Variants in FBXO22 observed in about 807,000 individuals in gnomAD.
FBXO22 encodes F-box protein 22.
A neutral mutation model predicts 37.2 loss-of-function variants in FBXO22; 13 were observed. The observed-to-expected ratio is 0.35, with a 90% confidence interval of 0.23 to 0.56. The LOEUF (loss-of-function observed/expected upper bound fraction) is 0.56. Ranked by LOEUF, FBXO22 falls within the 20% of genes least tolerant of loss-of-function variation. FBXO22 has a pLI of 0.87. For missense variants in FBXO22, 446 were observed against 509.9 expected (o/e 0.87, Z 1.21); for synonymous variants, 189 against 189.1 (o/e 1.00, Z 0.00).
chr15:75,934,352 C>T lies in FBXO22; in HGVS notation c.*1250C>T, dbSNP rs2030185685. Reference sequence around the variant, plus strand: ...GAAGAAACACCATAAGTGGCGTGGACTATCTACCTCCAGACTGTTTTACAA... The same window carrying T: ...GAAGAAACACCATAAGTGGCGTGGATTATCTACCTCCAGACTGTTTTACAA... On this transcript the variant is annotated 3_prime_UTR_variant, in exon 7 of 7. Coordinates refer to ENST00000308275, the MANE Select transcript of FBXO22 (RefSeq NM_147188.3). 6.6e-6 allele frequency: 1 copy of T among 152,182 alleles called. No homozygotes were observed. The highest frequency in any genetic ancestry group is 1.5e-5 in the Non-Finnish European group (1 of 68,034). 9.4% of individuals were successfully genotyped at this position (152,182 alleles called of 1,614,324 possible).
chr15:75,928,234 C>T (rs551444829), intron 5 of FBXO22, among the ~76,000 whole-genome samples: 7 of 152,142 alleles, frequency 4.6e-5, no homozygotes, highest in African/African-American at 9.6e-5. Flanking sequence ...TTTGACCCAG[C>T]AGTCCTATTA....
rs1213301204 is a variant in FBXO22, at chr15:75,941,889, G to T, written c.*8787G>T. On this transcript the variant is annotated 3_prime_UTR_variant, in exon 7 of 7. Coordinates refer to ENST00000308275, the MANE Select transcript of FBXO22 (RefSeq NM_147188.3). Reference sequence around the variant, plus strand: ...GCCTTTAAACTGTAACTTCAAAATGGTTAAAATTTAAATCTTACGTACATT... The same window carrying T: ...GCCTTTAAACTGTAACTTCAAAATGTTTAAAATTTAAATCTTACGTACATT... 5.1e-5 allele frequency: 6 copies of T among 117,268 alleles called. 1 individual carries two copies. The highest frequency in any genetic ancestry group is 2.0e-4 in the African/African-American group (6 of 30,716). The allele number at this position is 117,268 out of a possible 1,614,324, so 7.3% of individuals were successfully genotyped here. A position where few individuals can be genotyped will look rare whatever the true frequency, so the allele number is the denominator to read the frequency against.
At chr15:75,922,283 C>T (rs1728620258) in intron 5 of FBXO22, among the ~76,000 whole-genome samples, 2 of 152,222 alleles carry the variant, frequency 1.3e-5, no homozygotes, top group South Asian at 4.1e-4. Flanking sequence ...TGCGTGTCAC[C>T]ACGCCTGGCT....
rs766945625 is a variant in FBXO22 at position 75,937,508 on chromosome 15, C to CCA, written c.*4406_*4407insCA. 1 of 83,226 alleles carries CCA rather than the reference C, an allele frequency of 1.2e-5. No individual in the cohort carries two copies. Among genetic ancestry groups the CCA allele is most frequent in the East Asian group, 4.3e-4 (1 of 2,348 alleles). The allele number at this position is 83,226 out of a possible 1,614,324, so 5.2% of individuals were successfully genotyped here. On this transcript the variant is annotated 3_prime_UTR_variant, in exon 7 of 7. Transcript: ENST00000308275. ...TGGGCAATGGAGCAAGACTCTGTCT[C>CCA]AAAAAAAAAAAAAAAAAAAAAAAAG...
chr15:75,933,133 T>G lies in FBXO22; in HGVS notation c.*31T>G. ...AAAGTGGCTTTCATAATATGTAACT[T>G]TTGGGTTCTGCCTTTTTCAGAAAAT... On this transcript the variant is annotated 3_prime_UTR_variant, in exon 7 of 7. Coordinates refer to ENST00000308275, the MANE Select transcript of FBXO22 (RefSeq NM_147188.3). 6.5e-7 allele frequency: 1 copy of G among 1,548,246 alleles called. No individual in the cohort carries two copies. Among genetic ancestry groups the G allele is most frequent in the Non-Finnish European group, 8.7e-7 (1 of 1,149,864 alleles).
At chr15:75,922,424 T>A (rs1900348156) in intron 5 of FBXO22, among the ~76,000 whole-genome samples, 1 of 152,294 alleles carries the variant, frequency 6.6e-6, no homozygotes, top group Middle Eastern at 3.4e-3. Context: ...TCAAGGAGGC[T>A]TCCAGAAGCA....
intron 1 of FBXO22, 145 bp from the exon 2 acceptor site, chr15:75,904,346 C>T: frequency 6.3e-6 from 8 of 1,262,078 alleles, no homozygotes; most frequent in Non-Finnish European, 8.9e-6. Context: ...TCCGAACTAG[C>T]GCCCTGACTG....
At chr15:75,916,556 A>G (rs535282323) in intron 4 of FBXO22, among the ~76,000 whole-genome samples, 97 of 152,326 alleles carry the variant, frequency 6.4e-4, no homozygotes, top group South Asian at 2.3e-3. Context: ...ATCTCCAAAT[A>G]TAGTCACATG....
At chr15:75,906,646 T>G (rs1311926283) in intron 2 of FBXO22, among the ~76,000 whole-genome samples, 1 of 152,138 alleles carries the variant, frequency 6.6e-6, no homozygotes, top group Non-Finnish European at 1.5e-5. Flanking sequence ...CCTTGGGTGG[T>G]CTTTCTCCTT....
rs937925335 is a variant in FBXO22 at position 75,940,752 on chromosome 15, A to G, written c.*7650A>G. On this transcript the variant is annotated 3_prime_UTR_variant, in exon 7 of 7. Transcript: ENST00000308275. ...TATTCCAAGGATAGTTTTTTCAACA[A>G]ATAATGATGGGAAAGCTGGATAACC... 2 of 144,446 alleles carry G rather than the reference A, an allele frequency of 1.4e-5. No homozygotes were observed. The highest frequency in any genetic ancestry group is 5.1e-5 in the African/African-American group (2 of 38,988). 8.9% of individuals were successfully genotyped at this position (144,446 alleles called of 1,614,324 possible).
At chr15:75,905,655 T>G (rs1315467264) in intron 2 of FBXO22, 2 of 152,258 alleles carry the variant, frequency 1.3e-5, no homozygotes, top group Non-Finnish European at 2.9e-5. Flanking sequence ...CAATTTGCTC[T>G]GAGTAAGTCC....
At chr15:75,904,142 A>T in intron 1 of FBXO22, 39 bp downstream of exon 1, 1 of 1,512,406 alleles carries the variant, frequency 6.6e-7, no homozygotes, top group South Asian at 1.2e-5. Flanking sequence ...TTGCCTGGGG[A>T]CACGCCGTGG....
chr15:75,935,252 T>C lies in FBXO22; in HGVS notation c.*2150T>C, dbSNP rs914740980. 2 of 152,048 alleles carry C rather than the reference T, an allele frequency of 1.3e-5. No individual in the cohort carries two copies. The highest frequency in any genetic ancestry group is 2.9e-5 in the Non-Finnish European group (2 of 67,996). 9.4% of individuals were successfully genotyped at this position (152,048 alleles called of 1,614,324 possible). On this transcript the variant is annotated 3_prime_UTR_variant, in exon 7 of 7. Transcript: ENST00000308275. ...GCTTGTCTTAGAAGCATTAAAGGAG[T>C]ATTAGCTAAAAACAAACTAAATTCC...
chr15:75,910,070 T>C (rs971722943), intron 2 of FBXO22, among the ~76,000 whole-genome samples: 2 of 152,194 alleles, frequency 1.3e-5, no homozygotes, highest in Admixed American at 1.3e-4. Flanking sequence ...TCCAGCTTCA[T>C]CCATGTCCCT....
At position 75,938,203 on chromosome 15, in the gene FBXO22, T is replaced by C. The variant is rs1317036689; in HGVS notation, c.*5101T>C. ...ACGTGACATAAAAGGAAGAGAGACT[T>C]CAGTGATCACACACAGAAGGAATAG... On this transcript the variant is annotated 3_prime_UTR_variant, in exon 7 of 7. Coordinates refer to ENST00000308275, the MANE Select transcript of FBXO22 (RefSeq NM_147188.3). 1.3e-5 allele frequency: 2 copies of C among 152,208 alleles called. No individual in the cohort carries two copies. Among genetic ancestry groups the C allele is most frequent in the Admixed American group, 6.5e-5 (1 of 15,280 alleles). 9.4% of individuals were successfully genotyped at this position (152,208 alleles called of 1,614,324 possible). A position where few individuals can be genotyped will look rare whatever the true frequency, so the allele number is the denominator to read the frequency against.
At chr15:75,912,092 T>A (rs1368149639) in intron 2 of FBXO22, among the ~76,000 whole-genome samples, 2 of 152,160 alleles carry the variant, frequency 1.3e-5, no homozygotes, top group Non-Finnish European at 1.5e-5. Context: ...TTGCATATGT[T>A]GAACCAGCCT....
chr15:75,925,675 T>TTA (rs1900422860), intron 5 of FBXO22, among the ~76,000 whole-genome samples: 1 of 137,474 alleles, frequency 7.3e-6, no homozygotes, highest in South Asian at 2.4e-4. Context: ...AAGCTAGTGT[T>TTA]AAAAAAAAAA....
At chr15:75,912,071 C>T (rs573895652) in intron 2 of FBXO22, among the ~76,000 whole-genome samples, 10 of 151,300 alleles carry the variant, frequency 6.6e-5, no homozygotes, top group East Asian at 1.9e-4. Context: ...GTTTATATGA[C>T]GTGTATTGAT....
At position 75,913,308 on chromosome 15, in the gene FBXO22, AG is replaced by A. The variant is rs1409952357; in HGVS notation, c.367+19del. 1 of 1,533,874 alleles carries A rather than the reference AG, an allele frequency of 6.5e-7. No homozygotes were observed. The highest frequency in any genetic ancestry group is 1.4e-5 in the African/African-American group (1 of 72,474). On this transcript the variant is annotated intron_variant, in intron 3 of 6. Transcript: ENST00000308275. Reference sequence around the variant, plus strand: ...TAAGAGAGGTAAATATCAAAAGAAAAGCTTTTGCTTCTGTTTTTTTATCATG... The same window carrying A: ...TAAGAGAGGTAAATATCAAAAGAAAACTTTTGCTTCTGTTTTTTTATCATG...
Sources: gnomAD v4.1 joint callset for allele counts (sites outside exome capture counted in the v4.1 genomes callset) on GRCh38, gnomAD v4.1.1 for gene constraint, MANE v1.5 for transcripts, NCBI Gene and HGNC (gene_info 2026-07-23, HGNC 2026-07-21) for gene names.